CNTN1: variants seen among roughly 807,000 people sequenced by gnomAD.
The protein encoded by CNTN1 is contactin 1, also known as contactin-1.
CNTN1 carries 38 observed loss-of-function variants against 126.4 expected under a neutral mutation model. The observed-to-expected ratio is 0.30, with a 90% confidence interval of 0.23 to 0.39. The LOEUF (loss-of-function observed/expected upper bound fraction) is 0.39. Ranked by LOEUF, CNTN1 falls within the 10% of genes least tolerant of loss-of-function variation. CNTN1 has a pLI of 1.00. For missense variants in CNTN1, 1,009 were observed against 1,248.4 expected (o/e 0.81, Z 2.89); for synonymous variants, 413 against 422.6 (o/e 0.98, Z 0.28).
chr12:41,051,361 C>T (rs1284521091), intron 23 of CNTN1, among the ~76,000 whole-genome samples: 1 of 151,506 alleles, frequency 6.6e-6, no homozygotes. Flanking sequence ...CCGTGTTAGC[C>T]AGGATGGTTT....
At chr12:40,918,890 A>G in intron 4 of CNTN1, 119 bp downstream of exon 4, 3 of 1,225,730 alleles carry the variant, frequency 2.4e-6, no homozygotes, top group South Asian at 1.3e-5. Flanking sequence ...GACATTAACA[A>G]AAATATTGGC....
At chr12:40,734,722 A>C (rs1266882076) in intron 1 of CNTN1, among the ~76,000 whole-genome samples, 1 of 152,150 alleles carries the variant, frequency 6.6e-6, no homozygotes, top group African/African-American at 2.4e-5. Context: ...ACAATTTATC[A>C]CTAAGGGAAA....
chr12:40,768,466 G>A (rs1037418439), intron 1 of CNTN1, among the ~76,000 whole-genome samples: 4 of 152,186 alleles, frequency 2.6e-5, no homozygotes, highest in African/African-American at 9.7e-5. Flanking sequence ...TGGCCAAGAC[G>A]TGATCCATCT....
chr12:41,065,900 C>A (rs555214237), intron 23 of CNTN1, among the ~76,000 whole-genome samples: 1 of 152,244 alleles, frequency 6.6e-6, no homozygotes, highest in African/African-American at 2.4e-5. Context: ...GATTTTCACT[C>A]TAATCATAGG....
chr12:41,057,062 TATA>T (rs1432246876), intron 23 of CNTN1, among the ~76,000 whole-genome samples: 3 of 123,308 alleles, frequency 2.4e-5, no homozygotes, highest in South Asian at 2.3e-4. Flanking sequence ...TTATAAATAT[TATA>T]AATATTTAGA....
rs374293260 is a variant in CNTN1, at chr12:41,027,838, A to G, written c.2711-19A>G. 24 of 1,460,104 alleles carry G rather than the reference A, an allele frequency of 1.6e-5. No homozygotes were observed. The African/African-American group carries it at 3.1e-4, about 19-fold the overall frequency. The allele number at this position is 1,460,104 out of a possible 1,614,324, so 90.4% of individuals were successfully genotyped here. On this transcript the variant is annotated intron_variant, in intron 21 of 23. Coordinates refer to ENST00000551295, the MANE Select transcript of CNTN1 (RefSeq NM_001843.4). ...ATTGGATATAGTGACCACTGATTGC[A>G]TATTACTACTTTTCACAGCTCCTAG... is the stretch of plus-strand genomic sequence containing the variant.
At chr12:40,886,072 A>G (rs145917052) in intron 1 of CNTN1, among the ~76,000 whole-genome samples, 90 of 152,140 alleles carry the variant, frequency 5.9e-4, no homozygotes, top group African/African-American at 2.0e-3. Flanking sequence ...TGAACTCTTA[A>G]TGTTCATATT....
chr12:40,856,597 G>A (rs899297191), intron 1 of CNTN1, among the ~76,000 whole-genome samples: 13 of 152,038 alleles, frequency 8.6e-5, no homozygotes, highest in African/African-American at 2.9e-4. Context: ...TCAGAAAGTC[G>A]ATTTTGAGGG....
intron 1 of CNTN1, among the ~76,000 whole-genome samples, chr12:40,843,701 C>A (rs531289656): frequency 6.6e-6 from 1 of 152,210 alleles, no homozygotes; most frequent in East Asian, 1.9e-4. Context: ...TTATATAATA[C>A]AAATTGTTTA....
intron 1 of CNTN1, among the ~76,000 whole-genome samples, chr12:40,731,457 T>C (rs1293464169): frequency 6.6e-6 from 1 of 151,954 alleles, no homozygotes; most frequent in African/African-American, 2.4e-5. Context: ...TTGGTCAAAT[T>C]GAAATGGAAA....
chr12:40,795,331 T>G (rs868281486), intron 1 of CNTN1, among the ~76,000 whole-genome samples: 1 of 139,492 alleles, frequency 7.2e-6, no homozygotes, highest in African/African-American at 2.7e-5. Flanking sequence ...TTTTTTTTTT[T>G]TTTTGAAACA....
chr12:40,760,745 C>T (rs1261899016), intron 1 of CNTN1, among the ~76,000 whole-genome samples: 2 of 152,072 alleles, frequency 1.3e-5, no homozygotes, highest in African/African-American at 4.8e-5. Context: ...TGATAGCTCA[C>T]ACCCTGAACT....
chr12:40,867,463 G>A (rs1289037583), intron 1 of CNTN1, among the ~76,000 whole-genome samples: 2 of 152,118 alleles, frequency 1.3e-5, no homozygotes, highest in Non-Finnish European at 2.9e-5. Context: ...ACAATGTATT[G>A]TATTTGAAAA....
chr12:40,765,881 G>A (rs1259425242), intron 1 of CNTN1, among the ~76,000 whole-genome samples: 1 of 152,210 alleles, frequency 6.6e-6, no homozygotes, highest in Admixed American at 6.5e-5. Flanking sequence ...AGCTCATAGT[G>A]TTGGAGGGAA....
At chr12:40,701,295 G>A (rs1941588999) in intron 1 of CNTN1, among the ~76,000 whole-genome samples, 1 of 152,168 alleles carries the variant, frequency 6.6e-6, no homozygotes. Flanking sequence ...CCATTACAAT[G>A]TGTCATTTAA....
chr12:40,746,392 A>G (rs908737150), intron 1 of CNTN1, among the ~76,000 whole-genome samples: 1 of 152,176 alleles, frequency 6.6e-6, no homozygotes, highest in Non-Finnish European at 1.5e-5. Flanking sequence ...AAGGGTCTGC[A>G]GCAATCTCAA....
At chr12:40,930,058 C>G in intron 7 of CNTN1, 56 bp downstream of exon 7, 1 of 1,288,100 alleles carries the variant, frequency 7.8e-7, no homozygotes, top group African/African-American at 1.5e-5. Context: ...ATATGGTATA[C>G]TTACCGTAAT....
intron 1 of CNTN1, among the ~76,000 whole-genome samples, chr12:40,837,330 G>A (rs547242844): frequency 5.3e-5 from 8 of 152,292 alleles, no homozygotes; most frequent in Non-Finnish European, 5.9e-5. Context: ...GGGAGAGAGA[G>A]ACAGTCTGCC....
chr12:40,939,567 A>C, intron 12 of CNTN1, 82 bp downstream of exon 12: 1 of 1,504,808 alleles, frequency 6.6e-7, no homozygotes. Context: ...TATGTTAATA[A>C]TGAAAATGTT....
Sources: gnomAD v4.1 joint callset for allele counts (sites outside exome capture counted in the v4.1 genomes callset) on GRCh38, gnomAD v4.1.1 for gene constraint, MANE v1.5 for transcripts, NCBI Gene and HGNC (gene_info 2026-07-23, HGNC 2026-07-21) for gene names.